Variants in SCGB2B2 observed in about 807,000 individuals in gnomAD.
SCGB2B2 encodes the protein secretoglobin family 2B member 2.
In SCGB2B2, 11 loss-of-function variants were observed where a neutral mutation model predicts 7.6. The observed-to-expected ratio is 1.45, with a 90% CI of 0.91 to 2.40. The LOEUF is 2.40. Ranked by LOEUF, SCGB2B2 falls within the 30% of genes most tolerant of loss-of-function variation. SCGB2B2 has a pLI of 0.00. For missense variants in SCGB2B2, 104 were observed against 115.4 expected (o/e 0.90, Z 0.45); for synonymous variants, 50 against 48.6 (o/e 1.03, Z -0.12).
chr19:34,665,034 A>G (rs34218035), intron 1 of SCGB2B2, among the ~76,000 whole-genome samples: 45,643 of 152,138 alleles, frequency 0.3, 7,593 homozygotes, highest in Non-Finnish European at 0.37. Flanking sequence ...TGGTGGCCCC[A>G]AGGCTGCAGC....
At chr19:34,648,835 C>G (rs758887091) in intron 1 of SCGB2B2, among the ~76,000 whole-genome samples, 12 of 151,706 alleles carry the variant, frequency 7.9e-5, no homozygotes, top group Non-Finnish European at 1.6e-4. Context: ...AAATTCCCCT[C>G]TTTGTGTTGG....
intron 1 of SCGB2B2, among the ~76,000 whole-genome samples, chr19:34,608,948 G>C (rs919312964): frequency 1.3e-5 from 2 of 151,734 alleles, no homozygotes; most frequent in Non-Finnish European, 2.9e-5. Context: ...CAACCAGCAA[G>C]AGTTCCCATT....
intron 1 of SCGB2B2, among the ~76,000 whole-genome samples, chr19:34,658,834 A>AGAG (rs1257603370): frequency 8.4e-6 from 1 of 118,756 alleles, no homozygotes; most frequent in South Asian, 3.4e-4. Context: ...AAAAAAAAAA[A>AGAG]AGAGAGAGAA....
At chr19:34,645,781 T>C (rs2066993929) in intron 1 of SCGB2B2, 5 of 303,384 alleles carry the variant, frequency 1.6e-5, no homozygotes, top group Admixed American at 4.0e-5. Flanking sequence ...TTCACCGTCA[T>C]TGCCATCCCA....
intron 1 of SCGB2B2, among the ~76,000 whole-genome samples, chr19:34,655,061 C>A (rs909405410): frequency 6.6e-6 from 1 of 151,240 alleles, no homozygotes; most frequent in African/African-American, 2.5e-5. Context: ...CACACTCATG[C>A]AGGACATAGG....
chr19:34,645,794 G>A (rs2066994244), intron 1 of SCGB2B2: 1 of 286,758 alleles, frequency 3.5e-6, no homozygotes, highest in Non-Finnish European at 7.1e-6. Flanking sequence ...CCATCCCAGG[G>A]TCTCAGCTGT....
chr19:34,645,923 A>C (rs1363985436), intron 1 of SCGB2B2: 2 of 264,190 alleles, frequency 7.6e-6, no homozygotes, highest in South Asian at 4.1e-5. Context: ...TGTTTGGGAG[A>C]GTTGCTTTTG....
intron 1 of SCGB2B2, among the ~76,000 whole-genome samples, chr19:34,656,780 A>T (rs1042232210): frequency 6.6e-6 from 1 of 151,294 alleles, no homozygotes. Flanking sequence ...ATGTTGTATA[A>T]CTTTCTTATA....
chr19:34,612,313 A>G (rs1383540359), intron 1 of SCGB2B2, among the ~76,000 whole-genome samples: 1 of 152,150 alleles, frequency 6.6e-6, no homozygotes, highest in Non-Finnish European at 1.5e-5. Flanking sequence ...CTGGGATTAC[A>G]GGCATGAGCC....
At chr19:34,625,931 A>C (rs1045067992) in intron 1 of SCGB2B2, among the ~76,000 whole-genome samples, 1 of 152,172 alleles carries the variant, frequency 6.6e-6, no homozygotes, top group Admixed American at 6.5e-5. Flanking sequence ...CTTTCAGAGG[A>C]ACGATCAGGC....
At chr19:34,664,875 C>G (rs1224612067) in intron 1 of SCGB2B2, among the ~76,000 whole-genome samples, 1 of 152,114 alleles carries the variant, frequency 6.6e-6, no homozygotes, top group Admixed American at 6.5e-5. Flanking sequence ...CCAACCACCC[C>G]CTCCCCTCTT....
In SCGB2B2 at chr19:34,594,183, C is replaced by A. The variant is rs148087880; in HGVS notation, c.238G>T (p.Val80Phe). ...CCCCCGGGCACACTCACAATAACAA[C>A]TGAATGAGCAAATCTTTCTGTCACG... ...VSVTERFAHS[V>F]VIKKILQSND... is the part of the protein sequence containing the mutation. Residue 80 changes from valine (V) to phenylalanine (F), a missense_variant, in exon 3 of 4, where the codon GTT becomes TTT. Physicochemically the swap from Val to Phe is conservative, Grantham distance 50 (BLOSUM62 -1). Coordinates refer to ENST00000601241, the MANE Select transcript of SCGB2B2 (RefSeq NM_001025591.4). The A allele has an allele frequency of 3.0e-5, 48 of 1,613,820 alleles. No individual in the cohort carries two copies. Among genetic ancestry groups the A allele is most frequent in the Non-Finnish European group, 3.5e-5 (41 of 1,179,870 alleles).
At position 34,676,794 on chromosome 19, in the gene SCGB2B2, AGT is replaced by A. The variant is rs964736538; in HGVS notation, c.-3198_-3197del. ...AATGATTGAAGTCAATTAACATTTA[AGT>A]GTTAAAAAGAAAGTAAACAACCCAA... On this transcript the variant is annotated 5_prime_UTR_variant, in exon 1 of 4. It introduces an in-frame stop codon into an upstream open reading frame of the 5' UTR. Transcript: ENST00000601241. The A allele has an allele frequency of 6.6e-6, 1 of 152,238 alleles. No individual in the cohort carries two copies. The highest frequency in any genetic ancestry group is 1.5e-5 in the Non-Finnish European group (1 of 68,038). The allele number at this position is 152,238 out of a possible 1,614,324, so 9.4% of individuals were successfully genotyped here. A position where few individuals can be genotyped will look rare whatever the true frequency, so the allele number is the denominator to read the frequency against.
At chr19:34,587,565 A>T (rs1434726807), downstream of SCGB2B2, among the ~76,000 whole-genome samples, 2 of 152,112 alleles carry the variant, frequency 1.3e-5, no homozygotes, top group Admixed American at 1.3e-4. Flanking sequence ...TCATTACTAC[A>T]TTGAATAAAA....
intron 1 of SCGB2B2, among the ~76,000 whole-genome samples, chr19:34,617,001 T>C (rs573004819): frequency 1.3e-5 from 2 of 152,326 alleles, no homozygotes; most frequent in South Asian, 2.1e-4. Context: ...GTTGTAGATA[T>C]GCGGCATTAT....
At chr19:34,596,764 G>C (rs1274209125) in intron 1 of SCGB2B2, among the ~76,000 whole-genome samples, 170 bp from the exon 2 acceptor site, 2 of 152,072 alleles carry the variant, frequency 1.3e-5, no homozygotes, top group Non-Finnish European at 2.9e-5. Context: ...CAGAGGCTGG[G>C]AGACTGCAGC....
Position 34,596,306 on chromosome 19 carries a change from C to A in SCGB2B2, c.-1743G>T, listed in dbSNP as rs1318209667. ...CTCCCTGGCCGGCCACCTGCTGTGTCGTCCCTGCCACCTGTGGTCCTGCAG... is the reference window on the plus strand; with the variant it reads ...CTCCCTGGCCGGCCACCTGCTGTGTAGTCCCTGCCACCTGTGGTCCTGCAG... On this transcript the variant is annotated 5_prime_UTR_variant, in exon 2 of 4. Coordinates refer to ENST00000601241, the MANE Select transcript of SCGB2B2 (RefSeq NM_001025591.4). 1 of 152,374 alleles carries A rather than the reference C, an allele frequency of 6.6e-6. No homozygotes were observed. The highest frequency in any genetic ancestry group is 1.5e-5 in the Non-Finnish European group (1 of 68,144). The allele number at this position is 152,374 out of a possible 1,614,324, so 9.4% of individuals were successfully genotyped here.
intron 1 of SCGB2B2, among the ~76,000 whole-genome samples, chr19:34,616,049 T>C (rs2066069102): frequency 6.6e-6 from 1 of 151,168 alleles, no homozygotes; most frequent in African/African-American, 2.4e-5. Flanking sequence ...TAGTATTCCA[T>C]GGTGTATATG....
intron 1 of SCGB2B2, among the ~76,000 whole-genome samples, chr19:34,606,125 T>A (rs979185753): frequency 1.5e-4 from 22 of 151,698 alleles, no homozygotes; most frequent in African/African-American, 5.1e-4. Flanking sequence ...ACCAACTTTT[T>A]AAAAAATTTT....
Sources: gnomAD v4.1 joint callset for allele counts (sites outside exome capture counted in the v4.1 genomes callset) on GRCh38, gnomAD v4.1.1 for gene constraint, MANE v1.5 for transcripts, NCBI Gene and HGNC (gene_info 2026-07-23, HGNC 2026-07-21) for gene names.